Variants in AKAP8 observed in about 807,000 individuals in gnomAD.
AKAP8 encodes the protein A-kinase anchor protein 8.
Under a neutral mutation model 67.5 loss-of-function variants are expected in AKAP8, and 24 were observed. The observed-to-expected ratio is 0.36, with a 90% CI of 0.26 to 0.50. The LOEUF is 0.50. Among genes scored for constraint, AKAP8 ranks in the 20% least tolerant of loss-of-function variants. The pLI is 0.97. For synonymous variants in AKAP8, 400 were observed against 371.1 expected, an observed-to-expected ratio of 1.08 and a Z score of -0.90; for missense variants, 971 against 955.9, an observed-to-expected ratio of 1.02 and a Z score of -0.21.
intron 3 of AKAP8, 85 bp from the exon 4 acceptor site, chr19:15,374,150 G>A (rs1243939837): frequency 9.6e-6 from 14 of 1,457,826 alleles, no homozygotes; most frequent in African/African-American, 1.4e-5. Flanking sequence ...GGCACCCGCT[G>A]CCACGGAGAA....
intron 1 of AKAP8, among the ~76,000 whole-genome samples, chr19:15,377,568 A>C (rs1478490646): frequency 1.3e-5 from 2 of 152,100 alleles, no homozygotes; most frequent in Admixed American, 1.3e-4. Context: ...TCCTGGGTTC[A>C]CGCCATTCTC....
chr19:15,379,245 C>T (rs551091618), intron 1 of AKAP8: 8 of 160,132 alleles, frequency 5.0e-5, no homozygotes, highest in African/African-American at 1.7e-4. Context: ...AGAGGCGGCC[C>T]CCGCGGTCCG....
intron 9 of AKAP8, among the ~76,000 whole-genome samples, chr19:15,362,704 G>C (rs1481357011): frequency 6.6e-6 from 1 of 151,314 alleles, no homozygotes; most frequent in South Asian, 2.1e-4. Context: ...ATCTCGGCTC[G>C]CTACAACCTC....
At chr19:15,371,114 G>A (rs1382215758) in intron 7 of AKAP8, among the ~76,000 whole-genome samples, 1 of 152,136 alleles carries the variant, frequency 6.6e-6, no homozygotes, top group African/African-American at 2.4e-5. Context: ...AACCTGAAAA[G>A]CCACCATCTC....
At chr19:15,360,315 A>G (rs1425305622) in intron 12 of AKAP8, among the ~76,000 whole-genome samples, 1 of 152,214 alleles carries the variant, frequency 6.6e-6, no homozygotes, top group East Asian at 1.9e-4. Flanking sequence ...ACGCAGCCAC[A>G]GGCACTCTTC....
In AKAP8 at chr19:15,368,304, T is replaced by C. The variant is rs1254075328; in HGVS notation, c.1091A>G (p.Asp364Gly). 2.5e-6 allele frequency: 4 copies of C among 1,613,720 alleles called. No individual in the cohort carries two copies. Among genetic ancestry groups the C allele is most frequent in the Admixed American group, 1.7e-5 (1 of 60,016 alleles). Reference protein sequence around the residue: ...GRQRGEKEDEDEDVKKRREKQ... With the variant: ...GRQRGEKEDEGEDVKKRREKQ... Reference sequence around the variant, plus strand: ...TTCCCTTCTCTTCTTCACATCCTCGTCCTCGTCCTCCTTCTCTCCTGTAAC... The same window carrying C: ...TTCCCTTCTCTTCTTCACATCCTCGCCCTCGTCCTCCTTCTCTCCTGTAAC... The change falls in exon 9 of 14, where the codon GAC becomes GGC. Residue 364 changes from aspartate to glycine, a missense_variant. By Grantham distance (94) the Asp-to-Gly change is moderately conservative (BLOSUM62 -1). Around this residue, in one of 3 missense-constraint regions of AKAP8, gnomAD observed 763 missense variants for 745.4 expected, o/e 1.02. Coordinates refer to ENST00000269701, the MANE Select transcript of AKAP8 (RefSeq NM_005858.4).
chr19:15,376,013 C>T (rs1415589127), intron 2 of AKAP8, among the ~76,000 whole-genome samples: 2 of 151,786 alleles, frequency 1.3e-5, no homozygotes, highest in East Asian at 3.9e-4. Flanking sequence ...TCACTGCAGC[C>T]TTACCTCCTG....
intron 2 of AKAP8, among the ~76,000 whole-genome samples, chr19:15,376,161 C>G (rs542619180): frequency 6.6e-6 from 1 of 152,220 alleles, no homozygotes; most frequent in East Asian, 1.9e-4. Context: ...CTCAAGTGAG[C>G]CTCTTGCCTC....
chr19:15,371,521 C>G (rs1298783504), intron 7 of AKAP8, among the ~76,000 whole-genome samples: 1 of 151,738 alleles, frequency 6.6e-6, no homozygotes, highest in African/African-American at 2.4e-5. Context: ...CGGAGTCTCC[C>G]TCTGTCGCCC....
In AKAP8 at chr19:15,379,769, G is replaced by A. The variant is rs781433397; in HGVS notation, c.-38C>T. 1.9e-6 allele frequency: 3 copies of A among 1,609,486 alleles called. No individual in the cohort carries two copies. The highest frequency in any genetic ancestry group is 1.7e-5 in the Admixed American group (1 of 59,562). On this transcript the variant is annotated 5_prime_UTR_variant, in exon 1 of 14. Transcript: ENST00000269701. ...GCCCACCAGCAGCCCCGTTTACTAG[G>A]CGACCACAGCACGCATGCGTTCAGC...
At chr19:15,364,386 T>G (rs1156676635) in intron 9 of AKAP8, among the ~76,000 whole-genome samples, 1 of 152,088 alleles carries the variant, frequency 6.6e-6, no homozygotes, top group Non-Finnish European at 1.5e-5. Flanking sequence ...AGTCTCCCTC[T>G]GTTGCCCAGG....
chr19:15,363,275 G>A (rs1359545999), intron 9 of AKAP8, among the ~76,000 whole-genome samples: 77 of 149,976 alleles, frequency 5.1e-4, no homozygotes, highest in Non-Finnish European at 1.0e-3. Context: ...GGGAGGTGAG[G>A]GGCGCCTCTG....
intron 7 of AKAP8, among the ~76,000 whole-genome samples, chr19:15,370,666 C>T (rs1967140974): frequency 6.9e-6 from 1 of 145,600 alleles, no homozygotes; most frequent in South Asian, 2.2e-4. Flanking sequence ...GAGTCTCGCC[C>T]TGTCTCCCAG....
In AKAP8 at chr19:15,370,184, A is replaced by T; in HGVS notation, c.1039-5T>A. 1 of 1,613,896 alleles carries T rather than the reference A, an allele frequency of 6.2e-7. No individual in the cohort carries two copies. Among genetic ancestry groups the T allele is most frequent in the Non-Finnish European group, 8.5e-7 (1 of 1,179,936 alleles). On this transcript the variant is annotated splice_polypyrimidine_tract_variant and splice_region_variant and intron_variant, in intron 7 of 13. Coordinates refer to ENST00000269701, the MANE Select transcript of AKAP8 (RefSeq NM_005858.4). ...AGAGTCGCAGAGTTCATCCTCCTGGAAAAGAGTATACACAAAGTCCGGCAG... is the reference window on the plus strand; with the variant it reads ...AGAGTCGCAGAGTTCATCCTCCTGGTAAAGAGTATACACAAAGTCCGGCAG...
intron 13 of AKAP8, among the ~76,000 whole-genome samples, chr19:15,358,147 C>G (rs1417654840): frequency 2.0e-5 from 3 of 152,138 alleles, no homozygotes; most frequent in Non-Finnish European, 4.4e-5. Context: ...GGGATGAACA[C>G]TGAGCAAAAT....
intron 1 of AKAP8, among the ~76,000 whole-genome samples, chr19:15,378,156 G>GTT (rs996283604): frequency 2.0e-5 from 3 of 152,210 alleles, no homozygotes; most frequent in African/African-American, 7.2e-5. Context: ...AGGCTCATGG[G>GTT]TTACGAGACT....
chr19:15,368,197 T>G lies in AKAP8; in HGVS notation c.1160+38A>C, dbSNP rs781452991. ...CTCGGCAGCGCCTCCACCGCACGAG[T>G]CCACCTCCTCCTGTGGGGTCGTGTG... On this transcript the variant is annotated intron_variant, in intron 9 of 13. Transcript: ENST00000269701. The G allele has an allele frequency of 1.9e-6, 3 of 1,606,658 alleles. No homozygotes were observed. The East Asian group carries it at 6.7e-5, about 36-fold the overall frequency.
intron 13 of AKAP8, among the ~76,000 whole-genome samples, chr19:15,357,915 CA>C (rs1273984202): frequency 6.6e-6 from 1 of 151,800 alleles, no homozygotes; most frequent in Non-Finnish European, 1.5e-5. Flanking sequence ...CTCCTGAACT[CA>C]AAGTGATCCG....
chr19:15,358,219 T>G (rs772569519), intron 13 of AKAP8, among the ~76,000 whole-genome samples: 36 of 152,132 alleles, frequency 2.4e-4, no homozygotes, highest in Non-Finnish European at 4.3e-4. Context: ...AGCACCCACT[T>G]TGGGACTTCG....
Sources: gnomAD v4.1 joint callset for allele counts (sites outside exome capture counted in the v4.1 genomes callset) on GRCh38, gnomAD v4.1.1 for gene constraint, gnomAD v4.1.1 regional missense constraint, MANE v1.5 for transcripts, NCBI Gene and HGNC (gene_info 2026-07-23, HGNC 2026-07-21) for gene names.